PRMT3: variants seen among roughly 807,000 people sequenced by gnomAD.
The protein encoded by PRMT3 is protein arginine N-methyltransferase 3.
Under a neutral mutation model 71.9 loss-of-function variants are expected in PRMT3, and 62 were observed. The observed-to-expected ratio is 0.86, with a 90% CI of 0.70 to 1.07. PRMT3 has a LOEUF of 1.07. Ranked by LOEUF, PRMT3 falls within the 50% of genes least tolerant of loss-of-function variation. The probability of loss-of-function intolerance (pLI) is 0.00; values close to 1 mark genes in which losing one functional copy is unlikely to be tolerated. For synonymous variants in PRMT3, 213 were observed against 220.4 expected (o/e 0.97, Z 0.30); for missense variants, 663 against 643.0 (o/e 1.03, Z -0.34).
At position 20,426,830 on chromosome 11, in the gene PRMT3, G is replaced by A; in HGVS notation, c.958G>A (p.Val320Ile). The A allele has an allele frequency of 1.3e-6, 2 of 1,528,652 alleles. No homozygotes were observed. The highest frequency in any genetic ancestry group is 1.7e-6 in the Non-Finnish European group (2 of 1,149,776). 94.7% of individuals were successfully genotyped at this position (1,528,652 alleles called of 1,614,324 possible). A position where few individuals can be genotyped will look rare whatever the true frequency, so the allele number is the denominator to read the frequency against. The change falls in exon 10 of 16, where the codon GTA becomes ATA. Residue 320 changes from valine (V) to isoleucine (I), a missense_variant. Transcript: ENST00000331079. ...AAAGATTGAAGAAGTTCATCTTCCT[G>A]TAGAAAAAGTAGATGTTATCATATC... Reference protein sequence around the residue: ...KGKIEEVHLPVEKVDVIISEW... With the variant: ...KGKIEEVHLPIEKVDVIISEW...
intron 10 of PRMT3, among the ~76,000 whole-genome samples, chr11:20,432,799 G>C (rs1590060166): frequency 1.3e-5 from 2 of 152,038 alleles, no homozygotes; most frequent in Non-Finnish European, 2.9e-5. Context: ...TTTCCTGATG[G>C]TTAGTAATGT....
intron 2 of PRMT3, among the ~76,000 whole-genome samples, chr11:20,389,335 G>T (rs1848662953): frequency 1.3e-5 from 2 of 152,178 alleles, no homozygotes; most frequent in Non-Finnish European, 2.9e-5. Flanking sequence ...ATTTCTAAAA[G>T]CAGTTTGAGC....
chr11:20,433,214 A>C (rs567158017), intron 10 of PRMT3, among the ~76,000 whole-genome samples: 2 of 151,642 alleles, frequency 1.3e-5, no homozygotes, highest in Non-Finnish European at 2.9e-5. Flanking sequence ...CCCAACCTCT[A>C]CCCTCAAGTA....
chr11:20,408,462 G>C (rs1849121318), intron 9 of PRMT3, among the ~76,000 whole-genome samples: 1 of 152,020 alleles, frequency 6.6e-6, no homozygotes, highest in African/African-American at 2.4e-5. Flanking sequence ...AACAACACTA[G>C]TCCATGTACC....
chr11:20,472,091 G>A (rs908144981), intron 13 of PRMT3, among the ~76,000 whole-genome samples: 3 of 152,168 alleles, frequency 2.0e-5, no homozygotes, highest in Non-Finnish European at 4.4e-5. Flanking sequence ...AGCTTAAGAA[G>A]CTTTTGGGCT....
chr11:20,490,146 A>T (rs543800374), intron 13 of PRMT3, among the ~76,000 whole-genome samples: 6 of 151,704 alleles, frequency 4.0e-5, no homozygotes, highest in Non-Finnish European at 8.8e-5. Flanking sequence ...CACAGTTTGA[A>T]TTTTAGGTGA....
At chr11:20,464,710 G>A (rs1450655618) in intron 13 of PRMT3, among the ~76,000 whole-genome samples, 164 bp downstream of exon 13, 1 of 152,136 alleles carries the variant, frequency 6.6e-6, no homozygotes, top group Admixed American at 6.5e-5. Context: ...TAATAGGTCA[G>A]TAAACTTCAA....
At chr11:20,428,049 G>A (rs1849584705) in intron 10 of PRMT3, among the ~76,000 whole-genome samples, 1 of 151,494 alleles carries the variant, frequency 6.6e-6, no homozygotes. Flanking sequence ...AGTCACAGTT[G>A]TTGACAGTTA....
chr11:20,479,950 T>C (rs909194306), intron 13 of PRMT3, among the ~76,000 whole-genome samples: 9 of 152,124 alleles, frequency 5.9e-5, no homozygotes, highest in African/African-American at 2.2e-4. Context: ...GGTATATTTA[T>C]GGAATAAAAT....
intron 13 of PRMT3, among the ~76,000 whole-genome samples, chr11:20,473,396 G>A (rs1021728082): frequency 3.3e-5 from 5 of 152,074 alleles, no homozygotes; most frequent in East Asian, 1.9e-4. Flanking sequence ...TTAACACTGC[G>A]TTAGCTGTGT....
intron 10 of PRMT3, among the ~76,000 whole-genome samples, chr11:20,448,084 CGA>C (rs1170141513): frequency 6.6e-6 from 1 of 151,798 alleles, no homozygotes; most frequent in Non-Finnish European, 1.5e-5. Context: ...TTGAAGAGCC[CGA>C]GTAGGAGGGT....
chr11:20,391,252 GT>G (rs986509431), intron 3 of PRMT3, among the ~76,000 whole-genome samples: 2 of 147,860 alleles, frequency 1.4e-5, no homozygotes, highest in East Asian at 2.0e-4. Flanking sequence ...TTTTGTTTTT[GT>G]TTTTTTTTTG....
intron 9 of PRMT3, among the ~76,000 whole-genome samples, chr11:20,409,407 G>A (rs181476167): frequency 2.6e-5 from 4 of 152,218 alleles, no homozygotes; most frequent in Middle Eastern, 3.4e-3. Flanking sequence ...TAAATAATAC[G>A]TATATATAAA....
chr11:20,469,247 G>A (rs77444357), intron 13 of PRMT3, among the ~76,000 whole-genome samples: 2,035 of 152,210 alleles, frequency 0.013, 43 homozygotes, highest in African/African-American at 0.047. Flanking sequence ...GTGTTCAAAA[G>A]CAAAAGCGGT....
intron 11 of PRMT3, among the ~76,000 whole-genome samples, chr11:20,454,463 T>C (rs1162852659): frequency 1.3e-5 from 2 of 152,216 alleles, no homozygotes; most frequent in Non-Finnish European, 2.9e-5. Flanking sequence ...CTTTCTATAC[T>C]TTTATATAGC....
In PRMT3 at chr11:20,508,290, CCTTT is replaced by C. The variant is rs1565245465; in HGVS notation, c.1487-13_1487-10del. 22 of 1,522,790 alleles carry C rather than the reference CCTTT, an allele frequency of 1.4e-5. No homozygotes were observed. The highest frequency in any genetic ancestry group is 1.9e-5 in the Non-Finnish European group (21 of 1,101,004). 94.3% of individuals were successfully genotyped at this position (1,522,790 alleles called of 1,614,324 possible). On this transcript the variant is annotated splice_polypyrimidine_tract_variant and intron_variant, in intron 15 of 15. Transcript: ENST00000331079. ...TTCCTTGAATTCTTAACAATTTTTG[CCTTT>C]GTTTTACAGGTGAAGCCTTGAAAGG...
intron 7 of PRMT3, among the ~76,000 whole-genome samples, chr11:20,401,860 A>G (rs1677970264): frequency 6.6e-6 from 1 of 152,086 alleles, no homozygotes; most frequent in Non-Finnish European, 1.5e-5. Context: ...GGAGCCTTAT[A>G]ATGTGGGCTG....
chr11:20,429,146 G>A lies in PRMT3; in HGVS notation c.993+2281G>A, dbSNP rs547719597. 9.2e-5 allele frequency among the ~76,000 whole-genome samples: 14 copies of A among 152,238 alleles called. No individual in the cohort carries two copies. The South Asian group carries it at 2.9e-3, about 32-fold the overall frequency. Reference sequence around the variant, plus strand: ...CAGTCCCTAGACTTCTTGGCACCAGGGTCCAGTTTCATGGAAGACAGTTTT... The same window carrying A: ...CAGTCCCTAGACTTCTTGGCACCAGAGTCCAGTTTCATGGAAGACAGTTTT... On this transcript the variant is annotated intron_variant, in intron 10 of 15. Transcript: ENST00000331079.
At chr11:20,504,316 A>T (rs1429120599) in intron 15 of PRMT3, among the ~76,000 whole-genome samples, 2 of 152,192 alleles carry the variant, frequency 1.3e-5, no homozygotes, top group African/African-American at 2.4e-5. Flanking sequence ...ATGCATATAG[A>T]TCTACTTCTG....
Sources: allele counts gnomAD v4.1 joint callset (sites outside exome capture counted in the v4.1 genomes callset), GRCh38; gene constraint gnomAD v4.1.1; transcripts MANE v1.5; gene names NCBI Gene and HGNC (gene_info 2026-07-23, HGNC 2026-07-21).